Variants in GPATCH2 observed in about 807,000 individuals in gnomAD.
GPATCH2 encodes the protein G-patch domain containing 2, also known as G patch domain-containing protein 2.
GPATCH2 carries 51 observed loss-of-function variants against 58.0 expected under a neutral mutation model. The observed-to-expected ratio is 0.88, with a 90% CI of 0.70 to 1.11. The LOEUF (loss-of-function observed/expected upper bound fraction) is 1.11. Ranked by LOEUF, GPATCH2 falls within the 50% of genes most tolerant of loss-of-function variation. The pLI, the probability that GPATCH2 is intolerant of heterozygous loss-of-function variation, is 0.00. For synonymous variants in GPATCH2, 222 were observed against 218.5 expected (o/e 1.02, Z -0.14); for missense variants, 625 against 652.2 (o/e 0.96, Z 0.45).
At chr1:217,541,386 A>C (rs976795402) in intron 5 of GPATCH2, among the ~76,000 whole-genome samples, 2 of 152,168 alleles carry the variant, frequency 1.3e-5, no homozygotes, top group East Asian at 3.9e-4. Flanking sequence ...CATGAGTCTA[A>C]ATTTCTATAC....
chr1:217,439,543 T>G (rs1049406027), intron 9 of GPATCH2, among the ~76,000 whole-genome samples: 2 of 151,652 alleles, frequency 1.3e-5, no homozygotes, highest in Admixed American at 1.3e-4. Context: ...GAGAGAGAGA[T>G]ACGAAAAACC....
chr1:217,437,792 T>A (rs1234970921), intron 9 of GPATCH2, among the ~76,000 whole-genome samples: 1 of 152,086 alleles, frequency 6.6e-6, no homozygotes, highest in Admixed American at 6.5e-5. Flanking sequence ...CGGGAAGGGG[T>A]GGCTGTGGGC....
At chr1:217,477,219 A>T (rs1389975426) in intron 8 of GPATCH2, among the ~76,000 whole-genome samples, 1 of 152,034 alleles carries the variant, frequency 6.6e-6, no homozygotes. Context: ...GGCCCTGTAT[A>T]ACAAGCAGCG....
At chr1:217,604,179 C>T (rs1668247199) in intron 5 of GPATCH2, among the ~76,000 whole-genome samples, 1 of 151,366 alleles carries the variant, frequency 6.6e-6, no homozygotes, top group Admixed American at 6.6e-5. Context: ...GGTGAAACTC[C>T]ATCTCTATTA....
chr1:217,483,335 C>A (rs188193829), intron 8 of GPATCH2, among the ~76,000 whole-genome samples: 1 of 152,016 alleles, frequency 6.6e-6, no homozygotes. Flanking sequence ...TAGGCATGCG[C>A]CACCATGCCT....
At chr1:217,586,640 G>A (rs1045823060) in intron 5 of GPATCH2, among the ~76,000 whole-genome samples, 1 of 152,092 alleles carries the variant, frequency 6.6e-6, no homozygotes, top group African/African-American at 2.4e-5. Context: ...GTACACTATA[G>A]TAAACATGTA....
In GPATCH2 at chr1:217,607,166, G is replaced by T. The variant is rs544398724; in HGVS notation, c.1098+3155C>A. ...TCGGCCTGCCTGCTAAAATTTATTT[G>T]TTAACCCCAAAATCAATACTCACAA... On this transcript the variant is annotated intron_variant, in intron 5 of 9. Transcript: ENST00000366935. Among the ~76,000 whole-genome samples, 3 of 152,210 alleles carry T rather than the reference G, an allele frequency of 2.0e-5. No individual in the cohort carries two copies. The South Asian group carries it at 6.2e-4, about 32-fold the overall frequency.
intron 8 of GPATCH2, among the ~76,000 whole-genome samples, chr1:217,481,058 A>T (rs1015725208): frequency 6.6e-6 from 1 of 152,098 alleles, no homozygotes; most frequent in Non-Finnish European, 1.5e-5. Context: ...ATGGGTACAA[A>T]ACAAATAGAA....
At chr1:217,598,626 C>G (rs747817868) in intron 5 of GPATCH2, among the ~76,000 whole-genome samples, 7 of 151,608 alleles carry the variant, frequency 4.6e-5, no homozygotes, top group Non-Finnish European at 8.8e-5. Flanking sequence ...CCACCACACC[C>G]GGCTAATTTT....
intron 5 of GPATCH2, among the ~76,000 whole-genome samples, chr1:217,563,436 G>A (rs1470274103): frequency 2.0e-5 from 3 of 151,938 alleles, no homozygotes; most frequent in Non-Finnish European, 4.4e-5. Context: ...TTTTTCTACT[G>A]AGACCTACCA....
intron 5 of GPATCH2, among the ~76,000 whole-genome samples, chr1:217,519,811 G>T (rs1033089010): frequency 2.0e-5 from 3 of 152,160 alleles, no homozygotes; most frequent in African/African-American, 7.2e-5. Flanking sequence ...AATTCCACTA[G>T]TAACCTAATG....
At chr1:217,477,841 C>G (rs1340055350) in intron 8 of GPATCH2, among the ~76,000 whole-genome samples, 1 of 152,118 alleles carries the variant, frequency 6.6e-6, no homozygotes, top group African/African-American at 2.4e-5. Flanking sequence ...TACAACAGGC[C>G]TTGGTTGAGA....
At chr1:217,446,753 G>A (rs1206224814) in intron 9 of GPATCH2, among the ~76,000 whole-genome samples, 2 of 151,984 alleles carry the variant, frequency 1.3e-5, no homozygotes, top group African/African-American at 2.4e-5. Context: ...GGTATATGCT[G>A]GTGTAAGCTT....
chr1:217,567,277 C>A (rs890686669), intron 5 of GPATCH2, among the ~76,000 whole-genome samples: 1 of 152,114 alleles, frequency 6.6e-6, no homozygotes, highest in Non-Finnish European at 1.5e-5. Flanking sequence ...AACTCCCGAC[C>A]TCAGGTGATC....
At chr1:217,597,698 C>T (rs1170107631) in intron 5 of GPATCH2, among the ~76,000 whole-genome samples, 1 of 152,174 alleles carries the variant, frequency 6.6e-6, no homozygotes, top group African/African-American at 2.4e-5. Flanking sequence ...TACCCTTTTA[C>T]TAAAATCAGG....
chr1:217,559,677 GAGAA>G, intron 5 of GPATCH2, among the ~76,000 whole-genome samples: 1 of 152,216 alleles, frequency 6.6e-6, no homozygotes, highest in Non-Finnish European at 1.5e-5. Flanking sequence ...GAGAATGAAT[GAGAA>G]AGAGAGCAGG....
At chr1:217,499,972 T>C (rs1239433875) in intron 6 of GPATCH2, among the ~76,000 whole-genome samples, 1 of 152,136 alleles carries the variant, frequency 6.6e-6, no homozygotes, top group African/African-American at 2.4e-5. Flanking sequence ...AGATGTGAAG[T>C]ACTGACTTTC....
chr1:217,555,513 G>C (rs1439914542), intron 5 of GPATCH2, among the ~76,000 whole-genome samples: 3 of 152,006 alleles, frequency 2.0e-5, no homozygotes, highest in Non-Finnish European at 4.4e-5. Flanking sequence ...TATAGGTTTG[G>C]CCTCATTTTG....
At chr1:217,449,411 T>C (rs1473989904) in intron 8 of GPATCH2, 74 bp from the exon 9 acceptor site, 1 of 875,166 alleles carries the variant, frequency 1.1e-6, no homozygotes, top group South Asian at 1.4e-5. Flanking sequence ...TTGTATCATC[T>C]GAACCTAAAT....
Sources: allele counts gnomAD v4.1 joint callset (sites outside exome capture counted in the v4.1 genomes callset), GRCh38; gene constraint gnomAD v4.1.1; transcripts MANE v1.5; gene names NCBI Gene and HGNC (gene_info 2026-07-23, HGNC 2026-07-21).